The following SAMD12 variants were observed in gnomAD, a reference collection of about 807,000 sequenced individuals.
SAMD12 encodes the protein sterile alpha motif domain containing 12.
SAMD12 carries 9 observed loss-of-function variants against 15.0 expected under a neutral mutation model. That is an observed-to-expected ratio of 0.60 (90% CI 0.36 to 1.05). The LOEUF (loss-of-function observed/expected upper bound fraction) is 1.05, where lower values mean the gene tolerates loss of function less well. SAMD12 is among the 50% of genes least tolerant of loss of function. The pLI is 0.01. For missense variants in SAMD12, 230 were observed against 234.2 expected (o/e 0.98, Z 0.12); for synonymous variants, 86 against 90.1 (o/e 0.96, Z 0.25).
chr8:118,447,980 G>A (rs112178038), intron 2 of SAMD12, among the ~76,000 whole-genome samples: 2,405 of 151,794 alleles, frequency 0.016, 64 homozygotes, highest in African/African-American at 0.056. Context: ...TGCCCACCTC[G>A]GCCTCCCAAA....
chr8:118,537,614 T>C (rs925593756), intron 2 of SAMD12, among the ~76,000 whole-genome samples: 2 of 152,180 alleles, frequency 1.3e-5, no homozygotes, highest in African/African-American at 2.4e-5. Flanking sequence ...CTCCAAAATT[T>C]CTGCTTGATT....
chr8:118,514,405 T>A (rs998551962), intron 2 of SAMD12, among the ~76,000 whole-genome samples: 1 of 152,238 alleles, frequency 6.6e-6, no homozygotes, highest in Non-Finnish European at 1.5e-5. Flanking sequence ...GCCTTTCATA[T>A]TCCCACTTCC....
chr8:118,214,755 C>T (rs1811914661), intron 4 of SAMD12, among the ~76,000 whole-genome samples: 1 of 152,210 alleles, frequency 6.6e-6, no homozygotes. Flanking sequence ...CTATAATACT[C>T]ATGAAATTGT....
intron 2 of SAMD12, among the ~76,000 whole-genome samples, chr8:118,490,906 T>A (rs1824423377): frequency 6.8e-6 from 1 of 147,516 alleles, no homozygotes; most frequent in Non-Finnish European, 1.5e-5. Flanking sequence ...TATGTCCAAC[T>A]AAAAATTTTA....
the SAMD12 span, among the ~76,000 whole-genome samples, chr8:118,179,385 C>T: frequency 6.1e-5 from 9 of 148,092 alleles, no homozygotes; most frequent in South Asian, 4.2e-4. Context: ...TGCGGTGAGC[C>T]GAAATCACAG....
At chr8:118,207,669 A>G (rs1217592343) in intron 4 of SAMD12, among the ~76,000 whole-genome samples, 2 of 152,190 alleles carry the variant, frequency 1.3e-5, no homozygotes, top group African/African-American at 2.4e-5. Context: ...TGTCAACTGT[A>G]TGAATAAGTG....
chr8:118,520,892 G>T (rs527310594), intron 2 of SAMD12, among the ~76,000 whole-genome samples: 1 of 152,076 alleles, frequency 6.6e-6, no homozygotes, highest in Non-Finnish European at 1.5e-5. Flanking sequence ...ATTCTGGGTG[G>T]TGATCCATAA....
chr8:118,335,200 C>T (rs1817000058), intron 4 of SAMD12, among the ~76,000 whole-genome samples: 1 of 152,144 alleles, frequency 6.6e-6, no homozygotes, highest in Admixed American at 6.5e-5. Context: ...ACATGCAAGA[C>T]CTCAAAGGTC....
At chr8:118,170,460 T>C in the SAMD12 span, among the ~76,000 whole-genome samples, 1 of 152,154 alleles carries the variant, frequency 6.6e-6, no homozygotes. Context: ...CAATAACAGA[T>C]CAATTTTATT....
At chr8:118,544,713 T>TG (rs1826076372) in intron 2 of SAMD12, among the ~76,000 whole-genome samples, 1 of 152,152 alleles carries the variant, frequency 6.6e-6, no homozygotes, top group Non-Finnish European at 1.5e-5. Context: ...TTCTCAACCT[T>TG]CATTCCCTGC....
intron 2 of SAMD12, among the ~76,000 whole-genome samples, chr8:118,466,040 T>C (rs568522930): frequency 1.1e-4 from 16 of 152,302 alleles, no homozygotes; most frequent in African/African-American, 3.4e-4. Flanking sequence ...ATTGAAGATA[T>C]TCTCCATCTC....
chr8:118,609,331 T>C (rs1828052520), intron 1 of SAMD12, among the ~76,000 whole-genome samples: 2 of 152,344 alleles, frequency 1.3e-5, no homozygotes, highest in South Asian at 4.1e-4. Context: ...CTGTTACACA[T>C]CTGTTTCATT....
chr8:118,145,897 G>A, the SAMD12 span, among the ~76,000 whole-genome samples: 2 of 152,192 alleles, frequency 1.3e-5, no homozygotes, highest in Non-Finnish European at 2.9e-5. Context: ...GAAAGCTGAG[G>A]CAGAGCTTGA....
chr8:118,437,982 G>A (rs904007420), intron 3 of SAMD12, among the ~76,000 whole-genome samples: 1 of 152,088 alleles, frequency 6.6e-6, no homozygotes, highest in African/African-American at 2.4e-5. Flanking sequence ...TATCGCACAG[G>A]CATTAAAAAA....
intron 3 of SAMD12, among the ~76,000 whole-genome samples, chr8:118,424,822 C>G (rs1278010429): frequency 6.6e-6 from 1 of 152,146 alleles, no homozygotes; most frequent in Non-Finnish European, 1.5e-5. Context: ...GGAAAAGAGT[C>G]ATTGGTCTAC....
intron 2 of SAMD12, among the ~76,000 whole-genome samples, chr8:118,560,693 A>C (rs1167401907): frequency 6.6e-6 from 1 of 152,234 alleles, no homozygotes; most frequent in East Asian, 1.9e-4. Flanking sequence ...AGGAGGTAGA[A>C]TGTATAATAA....
the SAMD12 span, among the ~76,000 whole-genome samples, chr8:118,163,916 A>G: frequency 2.9e-5 from 4 of 137,662 alleles, no homozygotes; most frequent in African/African-American, 7.9e-5. Context: ...AACAAAACAA[A>G]AAAACAAACC....
intron 3 of SAMD12, among the ~76,000 whole-genome samples, chr8:118,408,991 C>T (rs769188254): frequency 1.9e-4 from 29 of 152,178 alleles, no homozygotes; most frequent in Admixed American, 3.3e-4. Flanking sequence ...CTCCACCTCC[C>T]GGGTTCAAGC....
intron 4 of SAMD12, among the ~76,000 whole-genome samples, chr8:118,212,078 G>GTGTGTGTGTT (rs112435036): frequency 0.43 from 64,969 of 150,716 alleles, 15,059 homozygotes; most frequent in Non-Finnish European, 0.54. Context: ...GTGTGTGTGT[G>GTGTGTGTGTT]TGTGTTTGTG....
Sources: allele counts gnomAD v4.1 joint callset (sites outside exome capture counted in the v4.1 genomes callset), GRCh38; gene constraint gnomAD v4.1.1; transcripts MANE v1.5; gene names NCBI Gene and HGNC (gene_info 2026-07-23, HGNC 2026-07-21).